Variants in NF1 observed in about 807,000 individuals in gnomAD.
NF1 encodes the protein neurofibromin.
In NF1, 122 loss-of-function variants were observed where a neutral mutation model predicts 325.7. That is an observed-to-expected ratio of 0.37 (90% CI 0.32 to 0.44). NF1 has a LOEUF of 0.44. NF1 is among the 20% of genes least tolerant of loss of function. NF1 has a pLI of 1.00. For synonymous variants in NF1, 1,091 were observed against 1,186.0 expected (o/e 0.92, Z 1.65); for missense variants, 2,140 against 3,415.4 (o/e 0.63, Z 9.31).
intron 15 of NF1, 78 bp from the exon 16 acceptor site, chr17:31,223,366 A>G (rs2066959543): frequency 8.5e-6 from 13 of 1,527,372 alleles, no homozygotes; most frequent in Non-Finnish European, 1.2e-5. Flanking sequence ...ATTATGGGAG[A>G]ATGCCATTCT....
At chr17:31,320,993 C>A (rs2069172575) in intron 36 of NF1, 2 of 152,256 alleles carry the variant, frequency 1.3e-5, no homozygotes. Context: ...TGATTGTCTT[C>A]AGCCAGATGT....
intron 8 of NF1, among the ~76,000 whole-genome samples, chr17:31,196,680 T>G (rs1337244358): frequency 6.6e-6 from 1 of 152,188 alleles, no homozygotes; most frequent in Non-Finnish European, 1.5e-5. Flanking sequence ...ACTGTTAAGT[T>G]TTGGTCTTTG....
At chr17:31,337,045 A>C (rs2069695366) in intron 42 of NF1, 131 bp downstream of exon 42, 1 of 908,430 alleles carries the variant, frequency 1.1e-6, no homozygotes, top group Middle Eastern at 2.8e-4. Context: ...CAGTAATGAC[A>C]TGAAATATTA....
chr17:31,332,108 TAAACAC>T (rs774379750), intron 39 of NF1, among the ~76,000 whole-genome samples: 2 of 151,758 alleles, frequency 1.3e-5, no homozygotes, highest in Non-Finnish European at 2.9e-5. Flanking sequence ...TACTCAAAAA[TAAACAC>T]AAGTGAAGAT....
At chr17:31,174,878 A>C (rs548634982) in intron 5 of NF1, among the ~76,000 whole-genome samples, 1 of 152,302 alleles carries the variant, frequency 6.6e-6, no homozygotes, top group African/African-American at 2.4e-5. Flanking sequence ...TGGGAGGCCT[A>C]CGTGGGCGGA....
chr17:31,321,396 G>A (rs961182309), intron 36 of NF1: 1 of 152,110 alleles, frequency 6.6e-6, no homozygotes, highest in Non-Finnish European at 1.5e-5. Flanking sequence ...TAGTTTGTTA[G>A]TGAGATTCTT....
intron 55 of NF1, 112 bp from the exon 56 acceptor site, chr17:31,358,857 T>G: frequency 8.9e-7 from 1 of 1,120,798 alleles, no homozygotes; most frequent in Non-Finnish European, 1.3e-6. Context: ...TAAAAACATG[T>G]TTTCAACATG....
chr17:31,374,177 A>C lies in NF1; in HGVS notation c.*22A>C, dbSNP rs1308097468. The C allele has an allele frequency of 6.2e-7, 1 of 1,613,746 alleles. No homozygotes were observed. Among genetic ancestry groups the C allele is most frequent in the Non-Finnish European group, 8.5e-7 (1 of 1,179,834 alleles). On this transcript the variant is annotated 3_prime_UTR_variant, in exon 58 of 58. Transcript: ENST00000358273. ...GTGAAGCTTGCTTGCTTTCTTTTTTAAAATCAACTTAACATGGGCTCTTCA... is the reference window on the plus strand; with the variant it reads ...GTGAAGCTTGCTTGCTTTCTTTTTTCAAATCAACTTAACATGGGCTCTTCA...
intron 29 of NF1, among the ~76,000 whole-genome samples, chr17:31,243,414 G>A (rs945263811): frequency 1.3e-5 from 2 of 151,776 alleles, no homozygotes; most frequent in African/African-American, 2.4e-5. Flanking sequence ...TGAGTTCTCC[G>A]TGGGTCCAGA....
Position 31,109,603 on chromosome 17 carries a change from C to T in NF1, c.60+14234C>T, listed in dbSNP as rs546653100. 3.9e-5 allele frequency among the ~76,000 whole-genome samples: 6 copies of T among 152,100 alleles called. No individual in the cohort carries two copies. In the East Asian group the frequency reaches 7.7e-4, roughly 20 times the overall value. ...TTCACTGTGTTGTCCAGGCTGGTCT[C>T]GAGCTCGTAACCTCAGGTGATCCTC... is the stretch of plus-strand genomic sequence containing the variant. On this transcript the variant is annotated intron_variant, in intron 1 of 57. Transcript: ENST00000358273.
At chr17:31,219,334 G>A (rs1230396685) in intron 14 of NF1, 1 of 305,160 alleles carries the variant, frequency 3.3e-6, no homozygotes, top group African/African-American at 2.2e-5. Flanking sequence ...AAATTCTGAT[G>A]CTTAATAAAA....
intron 1 of NF1, among the ~76,000 whole-genome samples, chr17:31,144,632 G>A (rs144396114): frequency 2.4e-4 from 36 of 151,928 alleles, no homozygotes; most frequent in Admixed American, 5.9e-4. Context: ...CCACAATGGC[G>A]TCCCATTCTT....
At chr17:31,318,398 T>A in intron 36 of NF1, 1 of 1,614,036 alleles carries the variant, frequency 6.2e-7, no homozygotes, top group Non-Finnish European at 8.5e-7. Flanking sequence ...ATCACTAGGT[T>A]GGGTCCTGTG....
At chr17:31,288,729 A>G (rs2068291510) in intron 36 of NF1, among the ~76,000 whole-genome samples, 2 of 151,980 alleles carry the variant, frequency 1.3e-5, no homozygotes, top group Admixed American at 6.6e-5. Context: ...GGGTTTCACC[A>G]TTTTGGCCAG....
At chr17:31,294,399 A>G (rs988355788) in intron 36 of NF1, among the ~76,000 whole-genome samples, 1 of 152,218 alleles carries the variant, frequency 6.6e-6, no homozygotes, top group African/African-American at 2.4e-5. Flanking sequence ...TAATCTGTCA[A>G]GTAGCCAAGA....
chr17:31,300,819 G>C (rs1330247070), intron 36 of NF1, among the ~76,000 whole-genome samples: 1 of 151,988 alleles, frequency 6.6e-6, no homozygotes, highest in Non-Finnish European at 1.5e-5. Flanking sequence ...CTTTGTTGTT[G>C]AACTTTGGGA....
chr17:31,316,591 C>G (rs552140001), intron 36 of NF1, among the ~76,000 whole-genome samples: 19 of 152,056 alleles, frequency 1.2e-4, no homozygotes, highest in Non-Finnish European at 2.5e-4. Flanking sequence ...TTGTGTTACT[C>G]CTGGATGTAC....
chr17:31,229,062 G>A lies in NF1; in HGVS notation c.2447G>A (p.Arg816Gln), dbSNP rs762709897. The stretch of plus-strand genomic sequence containing the variant: ...CTTCACAAGACCATTGTTAAGAGGC[G>A]AATGTCCCATGTGAGTGGAGGAGGA... ...ESLHKTIVKRRMSHVSGGGSI... is the reference protein window; with the variant it reads ...ESLHKTIVKRQMSHVSGGGSI... The change falls in exon 21 of 58, where the codon CGA becomes CAA. Residue 816 changes from arginine to glutamine, a missense_variant. Physicochemically the swap from Arg to Gln is conservative, Grantham distance 43. Coordinates refer to ENST00000358273, the MANE Select transcript of NF1 (RefSeq NM_001042492.3). The A allele has an allele frequency of 5.6e-6, 9 of 1,611,474 alleles. No homozygotes were observed. The highest frequency in any genetic ancestry group is 4.5e-5 in the East Asian group (2 of 44,884).
At chr17:31,298,464 A>G (rs984933174) in intron 36 of NF1, among the ~76,000 whole-genome samples, 5 of 152,162 alleles carry the variant, frequency 3.3e-5, no homozygotes, top group African/African-American at 9.6e-5. Flanking sequence ...TCTAAATTAT[A>G]TTAGCATTAT....
Sources: allele counts gnomAD v4.1 joint callset (sites outside exome capture counted in the v4.1 genomes callset), GRCh38; gene constraint gnomAD v4.1.1; transcripts MANE v1.5; gene names NCBI Gene and HGNC (gene_info 2026-07-23, HGNC 2026-07-21).